The following FMO1 variants were observed in gnomAD, a reference collection of about 807,000 sequenced individuals.
FMO1 encodes flavin containing dimethylaniline monoxygenase 1.
FMO1 carries 36 observed loss-of-function variants against 45.4 expected under a neutral mutation model. That is an observed-to-expected ratio of 0.79 (90% confidence interval 0.61 to 1.05). The LOEUF is 1.05. Ranked by LOEUF, FMO1 falls within the 50% of genes least tolerant of loss-of-function variation. FMO1 has a pLI of 0.00. For synonymous variants in FMO1, 228 were observed against 227.2 expected (o/e 1.00, Z -0.03); for missense variants, 615 against 640.3 (o/e 0.96, Z 0.43).
At position 171,285,794 on chromosome 1, in the gene FMO1, TAG is replaced by T; in HGVS notation, c.*252_*253del. On this transcript the variant is annotated 3_prime_UTR_variant, in exon 9 of 9. Transcript: ENST00000617670. Reference sequence around the variant, plus strand: ...TTGTTGGAAAGTTACAGGTTCATTTTAGAAAGAAAGCTGTTCTTGACAGCACT... The same window carrying T: ...TTGTTGGAAAGTTACAGGTTCATTTTAAAGAAAGCTGTTCTTGACAGCACT... The T allele has an allele frequency of 3.0e-6, 1 of 328,998 alleles. No individual in the cohort carries two copies. The highest frequency in any genetic ancestry group is 5.4e-6 in the Non-Finnish European group (1 of 183,490). 20.4% of individuals were successfully genotyped at this position (328,998 alleles called of 1,614,324 possible).
At chr1:171,276,807 T>C (rs1661131202) in intron 4 of FMO1, among the ~76,000 whole-genome samples, 1 of 152,146 alleles carries the variant, frequency 6.6e-6, no homozygotes, top group South Asian at 2.1e-4. Context: ...CACACAAGTT[T>C]ACATCAGATT....
At chr1:171,284,089 G>A (rs1661513457) in intron 8 of FMO1, among the ~76,000 whole-genome samples, 1 of 150,692 alleles carries the variant, frequency 6.6e-6, no homozygotes, top group Non-Finnish European at 1.5e-5. Flanking sequence ...TGATTGTTTT[G>A]TGGTTTGATA....
chr1:171,281,343 T>G (rs1661351609), intron 6 of FMO1, among the ~76,000 whole-genome samples: 1 of 152,174 alleles, frequency 6.6e-6, no homozygotes. Flanking sequence ...TGTCTATGAC[T>G]TTGTTGATAA....
At chr1:171,273,697 A>G (rs1211634090) in intron 3 of FMO1, among the ~76,000 whole-genome samples, 1 of 152,002 alleles carries the variant, frequency 6.6e-6, no homozygotes, top group Non-Finnish European at 1.5e-5. Flanking sequence ...TTTAATTTTT[A>G]GTAGAGATAA....
chr1:171,267,744 A>G lies in FMO1; in HGVS notation c.321+13A>G. On this transcript the variant is annotated intron_variant, in intron 3 of 8. Coordinates refer to ENST00000617670, the MANE Select transcript of FMO1 (RefSeq NM_001282693.2). ...CATTCAATTCAAGGTAAGACACAAAACATCAGTTAGTAGTCAGAAAGTATT... is the reference window on the plus strand; with the variant it reads ...CATTCAATTCAAGGTAAGACACAAAGCATCAGTTAGTAGTCAGAAAGTATT... 1 of 1,592,308 alleles carries G rather than the reference A, an allele frequency of 6.3e-7. No individual in the cohort carries two copies. Among genetic ancestry groups the G allele is most frequent in the Non-Finnish European group, 8.6e-7 (1 of 1,165,994 alleles).
At chr1:171,279,716 C>CT (rs1349315524) in intron 5 of FMO1, among the ~76,000 whole-genome samples, 1 of 152,200 alleles carries the variant, frequency 6.6e-6, no homozygotes, top group East Asian at 1.9e-4. Flanking sequence ...ATAGCACTCT[C>CT]ATGCTGAAAA....
At chr1:171,279,569 A>C (rs1256227501) in intron 5 of FMO1, among the ~76,000 whole-genome samples, 1 of 151,944 alleles carries the variant, frequency 6.6e-6, no homozygotes, top group Non-Finnish European at 1.5e-5. Flanking sequence ...TCTACCTCCT[A>C]CCTTCAGGCT....
rs371512929 is a variant in FMO1 at position 171,278,879 on chromosome 1, C to T, written c.627+8C>T. 6.3e-7 allele frequency: 1 copy of T among 1,596,870 alleles called. No individual in the cohort carries two copies. The highest frequency in any genetic ancestry group is 1.7e-5 in the Admixed American group (1 of 58,652). ...AGCCACCTGGCGGAAAAGGTACATT[C>T]CTGATGTTACTGGGTGAAGAGCTTT... On this transcript the variant is annotated splice_region_variant and intron_variant, in intron 5 of 8. Coordinates refer to ENST00000617670, the MANE Select transcript of FMO1 (RefSeq NM_001282693.2).
At chr1:171,254,338 T>A (rs1388670242) in intron 1 of FMO1, among the ~76,000 whole-genome samples, 1 of 152,114 alleles carries the variant, frequency 6.6e-6, no homozygotes, top group African/African-American at 2.4e-5. Flanking sequence ...GATCTGCCCA[T>A]CTCGTCCTCC....
chr1:171,265,336 A>G (rs1660572274), intron 2 of FMO1, among the ~76,000 whole-genome samples: 1 of 151,812 alleles, frequency 6.6e-6, no homozygotes, highest in Admixed American at 6.6e-5. Context: ...GCTTGCAGTG[A>G]GCAGAGATTA....
chr1:171,278,691 GTTAA>G (rs759425746), intron 4 of FMO1, 34 bp from the exon 5 acceptor site: 2 of 1,462,734 alleles, frequency 1.4e-6, no homozygotes, highest in Non-Finnish European at 9.3e-7. Context: ...CACTGATCCT[GTTAA>G]TTCTCTGTGT....
intron 4 of FMO1, among the ~76,000 whole-genome samples, chr1:171,276,948 C>A (rs995356407): frequency 6.6e-6 from 1 of 152,174 alleles, no homozygotes; most frequent in African/African-American, 2.4e-5. Context: ...GCCCACTTAA[C>A]TTTTCTAAGC....
rs1661584390 is a variant in FMO1 at position 171,285,377 on chromosome 1, C to T, written c.1432C>T (p.Pro478Ser). 6.2e-7 allele frequency: 1 copy of T among 1,613,664 alleles called. No individual in the cohort carries two copies. Among genetic ancestry groups the T allele is most frequent in the South Asian group, 1.1e-5 (1 of 91,024 alleles). ...ACCATACCAGTTCCGCTTGACTGGC[C>T]CAGGAAAATGGGAAGGAGCCAGAAA... The part of the protein sequence containing the change: ...CSPYQFRLTG[P>S]GKWEGARNAI... Residue 478 changes from proline (P) to serine (S), a missense_variant, in exon 9 of 9, where the codon CCA becomes TCA. Pro to Ser is a moderately conservative substitution (Grantham distance 74, BLOSUM62 -1). Coordinates refer to ENST00000617670, the MANE Select transcript of FMO1 (RefSeq NM_001282693.2).
Position 171,283,177 on chromosome 1 carries a change from T to C in FMO1, c.1217T>C (p.Ile406Thr). 1.2e-5 allele frequency: 19 copies of C among 1,573,256 alleles called. No homozygotes were observed. The highest frequency in any genetic ancestry group is 1.6e-5 in the Non-Finnish European group (18 of 1,158,652). Residue 406 changes from isoleucine to threonine, a missense_variant, in exon 8 of 9, where the codon ATA (isoleucine) becomes ACA (threonine). Ile to Thr is a moderately conservative substitution (Grantham distance 89). Transcript: ENST00000617670. ...AAGTTACCACCACCAAGTGTCATGA[T>C]AGAGGAAATTAATGCAAGGAAAGAA... ...VNKLPPPSVM[I>T]EEINARKENK...
At position 171,285,714 on chromosome 1, in the gene FMO1, C is replaced by A; in HGVS notation, c.*170C>A. The A allele has an allele frequency of 2.4e-6, 1 of 414,014 alleles. No individual in the cohort carries two copies. Among genetic ancestry groups the A allele is most frequent in the Non-Finnish European group, 4.2e-6 (1 of 236,800 alleles). The allele number at this position is 414,014 out of a possible 1,614,324, so 25.6% of individuals were successfully genotyped here. On this transcript the variant is annotated 3_prime_UTR_variant, in exon 9 of 9. Transcript: ENST00000617670. ...ACCACTGGTATTCCTGAGCCTCTCC[C>A]AGCTCCACTTCTAATGCTAGAGAAT...
At chr1:171,249,786 A>C (rs28384819) in intron 1 of FMO1, among the ~76,000 whole-genome samples, 17,238 of 152,208 alleles carry the variant, frequency 0.11, 1,171 homozygotes, top group Middle Eastern at 0.15. Flanking sequence ...CTGGATACAA[A>C]TCTGACAGTG....
At position 171,258,116 on chromosome 1, in the gene FMO1, C is replaced by G. The variant is rs202202651; in HGVS notation, c.29C>G (p.Ala10Gly). 3.1e-6 allele frequency: 5 copies of G among 1,614,164 alleles called. No individual in the cohort carries two copies. In the East Asian group the frequency reaches 1.1e-4, roughly 36 times the overall value. Residue 10 changes from alanine (A) to glycine (G), a missense_variant, in exon 2 of 9, where the codon GCT becomes GGT. Transcript: ENST00000617670. ...GCCAAGCGAGTTGCCATTGTGGGAGCTGGGGTCAGCGGCCTGGCCTCCATC... is the reference window on the plus strand; with the variant it reads ...GCCAAGCGAGTTGCCATTGTGGGAGGTGGGGTCAGCGGCCTGGCCTCCATC... MAKRVAIVG[A>G]GVSGLASIKC...
chr1:171,250,944 TA>T lies in FMO1; in HGVS notation c.-7+2322del, dbSNP rs1659860596. ...AGGCTGGTGGGAAAAATATTAAAGA[TA>T]GTTATGGAGATAGACACAAATCTTC... is the stretch of plus-strand genomic sequence containing the variant. On this transcript the variant is annotated intron_variant, in intron 1 of 8. Transcript: ENST00000617670. Among the ~76,000 whole-genome samples, 3 of 152,312 alleles carry T rather than the reference TA, an allele frequency of 2.0e-5. No individual in the cohort carries two copies. In the South Asian group the frequency reaches 6.2e-4, roughly 32 times the overall value.
chr1:171,262,887 C>T (rs1432637434), intron 2 of FMO1, among the ~76,000 whole-genome samples: 1 of 152,104 alleles, frequency 6.6e-6, no homozygotes, highest in Non-Finnish European at 1.5e-5. Flanking sequence ...GAGTCTGACT[C>T]TCACACTAGG....
Sources: allele counts gnomAD v4.1 joint callset (sites outside exome capture counted in the v4.1 genomes callset), GRCh38; gene constraint gnomAD v4.1.1; transcripts MANE v1.5; gene names NCBI Gene and HGNC (gene_info 2026-07-23, HGNC 2026-07-21).